Variants in UNC13C observed in about 807,000 individuals in gnomAD.
UNC13C encodes the protein unc-13 homolog C, also known as protein unc-13 homolog C.
In UNC13C, 174 loss-of-function variants were observed where a neutral mutation model predicts 245.4. That is an observed-to-expected ratio of 0.71 (90% CI 0.63 to 0.80). The LOEUF is 0.80. Ranked by LOEUF, UNC13C falls within the 30% of genes least tolerant of loss-of-function variation. The probability of loss-of-function intolerance (pLI) is 0.00; values close to 1 mark genes in which losing one functional copy is unlikely to be tolerated. For synonymous variants in UNC13C, 992 were observed against 895.1 expected (o/e 1.11, Z -1.93); for missense variants, 2,829 against 2,602.9 (o/e 1.09, Z -1.89).
chr15:54,528,033 A>ACG (rs111811394), intron 25 of UNC13C, among the ~76,000 whole-genome samples: 5,651 of 152,216 alleles, frequency 0.037, 316 homozygotes, highest in African/African-American at 0.13. Flanking sequence ...TTTAGAATTA[A>ACG]GTGCATAATT....
chr15:54,302,556 C>T (rs1322278893), intron 13 of UNC13C, among the ~76,000 whole-genome samples: 2 of 152,118 alleles, frequency 1.3e-5, no homozygotes, highest in Admixed American at 1.3e-4. Context: ...AAACCCTTTC[C>T]CCATTGCTTG....
the UNC13C span, among the ~76,000 whole-genome samples, chr15:53,854,137 T>G: frequency 6.7e-6 from 1 of 149,588 alleles, no homozygotes; most frequent in African/African-American, 2.5e-5. Flanking sequence ...TTTTTTTTTT[T>G]TGAGATGGAG....
intron 30 of UNC13C, among the ~76,000 whole-genome samples, chr15:54,574,947 T>C (rs984413075): frequency 6.6e-5 from 10 of 152,218 alleles, no homozygotes; most frequent in African/African-American, 2.2e-4. Context: ...GTATGCCTAG[T>C]ATATTGCATT....
At chr15:54,063,492 G>T (rs528667617) in intron 2 of UNC13C, among the ~76,000 whole-genome samples, 4 of 152,074 alleles carry the variant, frequency 2.6e-5, no homozygotes, top group African/African-American at 9.7e-5. Flanking sequence ...TCAGCTCTCG[G>T]TAAAGGATAG....
intron 2 of UNC13C, among the ~76,000 whole-genome samples, chr15:54,115,330 C>A (rs1465608152): frequency 6.6e-6 from 1 of 151,910 alleles, no homozygotes; most frequent in African/African-American, 2.4e-5. Flanking sequence ...TTCTTTTTTC[C>A]ATATGGAAAC....
intron 4 of UNC13C, among the ~76,000 whole-genome samples, chr15:54,195,106 A>G (rs2034309090): frequency 9.9e-6 from 1 of 100,674 alleles, no homozygotes; most frequent in South Asian, 2.7e-4. Flanking sequence ...ATGATCTCTG[A>G]TACTGCACAT....
the UNC13C span, among the ~76,000 whole-genome samples, chr15:53,853,779 A>G: frequency 6.6e-6 from 1 of 152,166 alleles, no homozygotes; most frequent in African/African-American, 2.4e-5. Context: ...TTTGTTGCCC[A>G]CATGAATCTC....
At chr15:53,941,711 T>G in the UNC13C span, among the ~76,000 whole-genome samples, 1 of 151,472 alleles carries the variant, frequency 6.6e-6, no homozygotes, top group Non-Finnish European at 1.5e-5. Context: ...TACACAAAAT[T>G]ACAAGAAAAA....
intron 19 of UNC13C, among the ~76,000 whole-genome samples, chr15:54,440,494 T>C (rs1890462296): frequency 6.6e-6 from 1 of 152,092 alleles, no homozygotes; most frequent in Admixed American, 6.6e-5. Context: ...ATTTCATTAT[T>C]TTTTATGGCT....
At chr15:54,086,292 G>C (rs186600806) in intron 2 of UNC13C, among the ~76,000 whole-genome samples, 30 of 152,196 alleles carry the variant, frequency 2.0e-4, no homozygotes, top group African/African-American at 6.0e-4. Context: ...TTGCATTCCA[G>C]TTTTAAGAGA....
At chr15:54,017,684 A>G (rs1566953637) in intron 2 of UNC13C, among the ~76,000 whole-genome samples, 1 of 152,232 alleles carries the variant, frequency 6.6e-6, no homozygotes, top group East Asian at 1.9e-4. Context: ...TCTGCAAAGC[A>G]GATTGTTACT....
intron 9 of UNC13C, among the ~76,000 whole-genome samples, chr15:54,265,047 T>C (rs1381974430): frequency 6.6e-6 from 1 of 152,018 alleles, no homozygotes; most frequent in Non-Finnish European, 1.5e-5. Context: ...CATATAAGTG[T>C]AGGTGTATCT....
chr15:54,437,726 G>T (rs1486657883), intron 19 of UNC13C, among the ~76,000 whole-genome samples: 1 of 151,876 alleles, frequency 6.6e-6, no homozygotes, highest in African/African-American at 2.4e-5. Context: ...ATCACTCAAG[G>T]TCACACAGGT....
intron 2 of UNC13C, among the ~76,000 whole-genome samples, chr15:54,133,445 T>C (rs1483682640): frequency 6.6e-6 from 1 of 152,190 alleles, no homozygotes; most frequent in Non-Finnish European, 1.5e-5. Flanking sequence ...TTTTAAATTG[T>C]TTGTGGAATT....
Position 54,627,605 on chromosome 15 carries a change from G to C in UNC13C, c.*492G>C, listed in dbSNP as rs145920559. On this transcript the variant is annotated 3_prime_UTR_variant, in exon 33 of 33. Coordinates refer to ENST00000260323, the MANE Select transcript of UNC13C (RefSeq NM_001080534.3). ...GTAATTTTATAGTCGCAGATATTGT[G>C]ATTTTTGCATACACATTAAAATAGA... 10 of 152,820 alleles carry C rather than the reference G, an allele frequency of 6.5e-5. No individual in the cohort carries two copies. Among genetic ancestry groups the C allele is most frequent in the Admixed American group, 6.5e-4 (10 of 15,300 alleles). The allele number at this position is 152,820 out of a possible 1,614,324, so 9.5% of individuals were successfully genotyped here. A position where few individuals can be genotyped will look rare whatever the true frequency, so the allele number is the denominator to read the frequency against.
chr15:54,293,316 G>T (rs1349907964), intron 10 of UNC13C, among the ~76,000 whole-genome samples: 1 of 152,006 alleles, frequency 6.6e-6, no homozygotes, highest in Non-Finnish European at 1.5e-5. Context: ...CTCAACAAAA[G>T]AGGGTGAAGA....
chr15:54,496,733 ATATG>A (rs1185923908), intron 20 of UNC13C, among the ~76,000 whole-genome samples: 1 of 151,940 alleles, frequency 6.6e-6, no homozygotes, highest in African/African-American at 2.4e-5. Flanking sequence ...ACCAAACATT[ATATG>A]TTTTCACTCA....
chr15:54,308,066 T>C (rs949372288), intron 13 of UNC13C, among the ~76,000 whole-genome samples: 1 of 151,978 alleles, frequency 6.6e-6, no homozygotes, highest in Non-Finnish European at 1.5e-5. Flanking sequence ...TTCCTTTTGG[T>C]ACTTCTTTCC....
At chr15:53,872,002 C>T in the UNC13C span, among the ~76,000 whole-genome samples, 1 of 152,182 alleles carries the variant, frequency 6.6e-6, no homozygotes, top group African/African-American at 2.4e-5. Context: ...ATGAAACCCT[C>T]CCTTCTTCAG....
Sources: gnomAD v4.1 joint callset for allele counts (sites outside exome capture counted in the v4.1 genomes callset) on GRCh38, gnomAD v4.1.1 for gene constraint, MANE v1.5 for transcripts, NCBI Gene and HGNC (gene_info 2026-07-23, HGNC 2026-07-21) for gene names.